The following DLC1 variants were observed in gnomAD, a reference collection of about 807,000 sequenced individuals.
The protein encoded by DLC1 is DLC1 Rho GTPase activating protein, also known as rho GTPase-activating protein 7.
Under a neutral mutation model 140.3 loss-of-function variants are expected in DLC1, and 54 were observed. The observed-to-expected ratio is 0.38, with a 90% CI of 0.31 to 0.48. The LOEUF (loss-of-function observed/expected upper bound fraction) is 0.48. DLC1 is among the 20% of genes least tolerant of loss of function. The pLI is 0.96. For missense variants in DLC1, 2,536 were observed against 1,907.0 expected (o/e 1.33, Z -6.14); for synonymous variants, 986 against 728.1 (o/e 1.35, Z -5.70).
At chr8:13,481,547 C>A (rs1800737333) in intron 2 of DLC1, among the ~76,000 whole-genome samples, 1 of 152,072 alleles carries the variant, frequency 6.6e-6, no homozygotes, top group African/African-American at 2.4e-5. Context: ...TAATAAACGT[C>A]CGTTGTTATG....
At chr8:13,296,909 G>A (rs1165530233) in intron 5 of DLC1, among the ~76,000 whole-genome samples, 1 of 151,858 alleles carries the variant, frequency 6.6e-6, no homozygotes, top group East Asian at 1.9e-4. Flanking sequence ...TCATCTACGT[G>A]TGTTGCTTAA....
intron 6 of DLC1, among the ~76,000 whole-genome samples, chr8:13,113,369 C>G (rs999468065): frequency 2.0e-5 from 3 of 152,114 alleles, no homozygotes; most frequent in Non-Finnish European, 2.9e-5. Context: ...GGCAATGGCC[C>G]AGAACAATAC....
intron 2 of DLC1, among the ~76,000 whole-genome samples, chr8:13,450,636 A>G (rs970394583): frequency 2.0e-5 from 3 of 152,112 alleles, no homozygotes; most frequent in Non-Finnish European, 4.4e-5. Flanking sequence ...ATATAACTTA[A>G]TGATATTTTG....
intron 4 of DLC1, among the ~76,000 whole-genome samples, chr8:13,329,623 C>T (rs1181571123): frequency 6.6e-6 from 1 of 152,188 alleles, no homozygotes; most frequent in Non-Finnish European, 1.5e-5. Flanking sequence ...CTATTTTAAA[C>T]TCCTCATCTG....
Position 13,137,589 on chromosome 8 carries a change from C to A in DLC1, c.1349-21932G>T, listed in dbSNP as rs534912750. Among the ~76,000 whole-genome samples the A allele has an allele frequency of 1.1e-4, 16 of 142,516 alleles. No individual in the cohort carries two copies. The East Asian group carries it at 2.1e-3, about 19-fold the overall frequency. The allele number at this position is 142,516 out of a possible 152,430, so 93.5% of individuals were successfully genotyped here. A position where few individuals can be genotyped will look rare whatever the true frequency, so the allele number is the denominator to read the frequency against. Reference sequence around the variant, plus strand: ...TTTGCTCTTTCTTCAGCTTGGACATCAGTTTTTGGTTTTGTTTTTTTTTTT... The same window carrying A: ...TTTGCTCTTTCTTCAGCTTGGACATAAGTTTTTGGTTTTGTTTTTTTTTTT... On this transcript the variant is annotated intron_variant, in intron 5 of 17. Coordinates refer to ENST00000276297, the MANE Select transcript of DLC1 (RefSeq NM_182643.3).
chr8:13,480,276 A>G (rs72603978), intron 2 of DLC1, among the ~76,000 whole-genome samples: 14,762 of 152,254 alleles, frequency 0.097, 869 homozygotes, highest in East Asian at 0.23. Flanking sequence ...TATATGCACG[A>G]CAATGTGATT....
chr8:13,599,706 T>G (rs1489234953), intron 1 of DLC1, among the ~76,000 whole-genome samples: 1 of 151,940 alleles, frequency 6.6e-6, no homozygotes, highest in Non-Finnish European at 1.5e-5. Context: ...GACTCAATAT[T>G]GTAATGATGT....
intron 14 of DLC1, among the ~76,000 whole-genome samples, chr8:13,090,809 C>CTTTA (rs1554566264): frequency 7.1e-6 from 1 of 140,660 alleles, no homozygotes; most frequent in Admixed American, 7.1e-5. Context: ...TTCTTTCTTT[C>CTTTA]TTTTTTTTTT....
intron 5 of DLC1, among the ~76,000 whole-genome samples, chr8:13,118,882 C>G (rs938037775): frequency 1.3e-5 from 2 of 152,080 alleles, no homozygotes; most frequent in South Asian, 4.2e-4. Context: ...TTCTGAGTTA[C>G]AGTATTAATC....
At chr8:13,428,292 T>G (rs191161036) in intron 2 of DLC1, among the ~76,000 whole-genome samples, 15 of 145,866 alleles carry the variant, frequency 1.0e-4, no homozygotes, top group African/African-American at 4.2e-4. Flanking sequence ...TGGGTTTATA[T>G]TAATATTTCA....
rs1314864586 is a variant in DLC1, at chr8:13,598,878, A to G, written c.-126+5659T>C. 1.3e-5 allele frequency among the ~76,000 whole-genome samples: 2 copies of G among 151,948 alleles called. 1 individual carries two copies. Among genetic ancestry groups the G allele is most frequent in the South Asian group, 4.1e-4 (2 of 4,826 alleles). ...AAAACTTTTTTTTGGCTGTTGAGTC[A>G]TGTTAAAATGTCAGAACTAATATTT... On this transcript the variant is annotated intron_variant, in intron 1 of 1. Coordinates refer to the DLC1 transcript ENST00000631382.
At chr8:13,598,351 G>T (rs1051118321) in intron 1 of DLC1, among the ~76,000 whole-genome samples, 14 of 151,304 alleles carry the variant, frequency 9.3e-5, no homozygotes, top group Non-Finnish European at 1.6e-4. Context: ...ACACAACAAG[G>T]GTGTCTCTAC....
In DLC1 at chr8:13,320,015, G is replaced by T. The variant is rs1448869256; in HGVS notation, c.1315-14713C>A. Among the ~76,000 whole-genome samples, 4 of 151,706 alleles carry T rather than the reference G, an allele frequency of 2.6e-5. No homozygotes were observed. The East Asian group carries it at 5.8e-4, about 22-fold the overall frequency. ...TTTTTTGCATTTTTAATAGAAATGG[G>T]GTTTCACCATGCTGGCCAGCCTCCT... is the stretch of plus-strand genomic sequence containing the variant. On this transcript the variant is annotated intron_variant, in intron 4 of 17. Coordinates refer to ENST00000276297, the MANE Select transcript of DLC1 (RefSeq NM_182643.3).
At chr8:13,567,386 T>A in intron 1 of DLC1, 1 of 1,551,666 alleles carries the variant, frequency 6.4e-7, no homozygotes, top group Non-Finnish European at 8.7e-7. Context: ...AAGATAAATT[T>A]GATTCATCGT....
intron 4 of DLC1, among the ~76,000 whole-genome samples, chr8:13,352,948 A>C (rs931341397): frequency 6.6e-6 from 1 of 152,210 alleles, no homozygotes; most frequent in Non-Finnish European, 1.5e-5. Context: ...AATACACTAA[A>C]AAAAATCCAT....
In DLC1 at chr8:13,100,459, G is replaced by A. The variant is rs766995932; in HGVS notation, c.1878C>T (p.Ser626=). ...PRTNSVISVC[S]SSNLAGNDDS... ...CGTCATTGCCTGCCAAGTTGCTGGA[G>A]GAGCAAACGCTGATGACGGAGTTAG... Residue 626 remains serine, a synonymous_variant, in exon 9 of 18, where the codon TCC becomes TCT. Transcript: ENST00000276297. 6 of 1,613,630 alleles carry A rather than the reference G, an allele frequency of 3.7e-6. No individual in the cohort carries two copies. The African/African-American group carries it at 5.3e-5, about 14-fold the overall frequency.
rs556605153 is a variant in DLC1 at position 13,598,200 on chromosome 8, T to C, written c.-126+6337A>G. The stretch of plus-strand genomic sequence containing the variant: ...ATTTTTGAAGAGTATAAAAATAAAA[T>C]GGGATATAAATAAAATTTCATCATC... On this transcript the variant is annotated intron_variant, in intron 1 of 1. Coordinates refer to the DLC1 transcript ENST00000631382. 2.3e-3 allele frequency among the ~76,000 whole-genome samples: 351 copies of C among 152,228 alleles called. 3 individuals carry two copies. The highest frequency in any genetic ancestry group is 8.2e-3 in the African/African-American group (340 of 41,570).
chr8:13,155,401 GT>G (rs1413137889), intron 5 of DLC1, among the ~76,000 whole-genome samples: 1 of 151,438 alleles, frequency 6.6e-6, no homozygotes, highest in African/African-American at 2.4e-5. Flanking sequence ...AACATTCTTA[GT>G]TTTAGAGTCT....
chr8:13,395,852 C>CT (rs140863034), intron 3 of DLC1, among the ~76,000 whole-genome samples: 19,945 of 146,608 alleles, frequency 0.14, 1,590 homozygotes, highest in Non-Finnish European at 0.19. Context: ...TCTTCTTCTT[C>CT]TTTGTTTTTT....
Sources: gnomAD v4.1 joint callset for allele counts (sites outside exome capture counted in the v4.1 genomes callset) on GRCh38, gnomAD v4.1.1 for gene constraint, MANE v1.5 for transcripts, NCBI Gene and HGNC (gene_info 2026-07-23, HGNC 2026-07-21) for gene names.